The following WDR27 variants were observed in gnomAD, a reference collection of about 807,000 sequenced individuals.
WDR27 encodes the protein WD repeat domain 27, also known as WD repeat-containing protein 27.
WDR27 carries 100 observed loss-of-function variants against 114.4 expected under a neutral mutation model. That is an observed-to-expected ratio of 0.87 (90% CI 0.74 to 1.03). The LOEUF is 1.03. Among genes scored for constraint, WDR27 ranks in the 50% least tolerant of loss-of-function variants. The pLI, the probability that WDR27 is intolerant of heterozygous loss-of-function variation, is 0.00. For synonymous variants in WDR27, 449 were observed against 423.1 expected (o/e 1.06, Z -0.75); for missense variants, 1,129 against 1,092.9 (o/e 1.03, Z -0.47).
intron 2 of WDR27, among the ~76,000 whole-genome samples, chr6:169,682,715 TCAAA>T (rs1469623244): frequency 6.6e-6 from 1 of 152,046 alleles, no homozygotes; most frequent in Non-Finnish European, 1.5e-5. Context: ...TATGACCCCA[TCAAA>T]CAGACAAAAT....
intron 6 of WDR27, chr6:169,666,406 A>G: frequency 3.0e-6 from 3 of 985,472 alleles, no homozygotes; most frequent in Non-Finnish European, 3.6e-6. Context: ...TGGCATTTTC[A>G]TGTCACTTAC....
intron 2 of WDR27, 30 bp downstream of exon 2, chr6:169,688,787 A>T (rs1355592042): frequency 6.5e-7 from 1 of 1,545,920 alleles, no homozygotes; most frequent in Admixed American, 1.9e-5. Context: ...CAAGGCCTTC[A>T]TGACACTGGA....
At chr6:169,448,558 C>T in the WDR27 span, among the ~76,000 whole-genome samples, 7 of 152,164 alleles carry the variant, frequency 4.6e-5, no homozygotes, top group Admixed American at 2.0e-4. Context: ...TGTCGGAAGC[C>T]GGTGGCGGCT....
chr6:169,475,802 T>C (rs1305532836), intron 25 of WDR27, among the ~76,000 whole-genome samples: 1 of 152,200 alleles, frequency 6.6e-6, no homozygotes, highest in African/African-American at 2.4e-5. Flanking sequence ...CCATTTTTTT[T>C]ATTTCTGTGT....
At chr6:169,654,282 T>TG in intron 13 of WDR27, among the ~76,000 whole-genome samples, 1 of 152,306 alleles carries the variant, frequency 6.6e-6, no homozygotes, top group South Asian at 2.1e-4. Flanking sequence ...CATTCAGGTA[T>TG]AGAAACAGAG....
chr6:169,559,247 G>A (rs527926546), intron 25 of WDR27: 2 of 152,276 alleles, frequency 1.3e-5, no homozygotes, highest in East Asian at 1.9e-4. Flanking sequence ...AGTAGGTAGC[G>A]TGGCAATGGC....
intron 25 of WDR27, among the ~76,000 whole-genome samples, chr6:169,526,697 A>G (rs967917892): frequency 6.6e-6 from 1 of 152,204 alleles, no homozygotes; most frequent in Non-Finnish European, 1.5e-5. Context: ...AAAAGATACT[A>G]TAAGGAAAAT....
intron 25 of WDR27, among the ~76,000 whole-genome samples, chr6:169,479,062 G>A (rs1787582933): frequency 6.6e-6 from 1 of 152,108 alleles, no homozygotes; most frequent in Non-Finnish European, 1.5e-5. Context: ...TGACAAATGG[G>A]ACCTAATGAA....
downstream of WDR27, among the ~76,000 whole-genome samples, chr6:169,453,116 T>C (rs1048744268): frequency 3.3e-5 from 5 of 152,212 alleles, no homozygotes; most frequent in Non-Finnish European, 5.9e-5. Context: ...TAAGAAGATA[T>C]AGAACACAAG....
the WDR27 span, among the ~76,000 whole-genome samples, chr6:169,445,402 T>G: frequency 6.6e-6 from 1 of 151,856 alleles, no homozygotes; most frequent in African/African-American, 2.4e-5. Flanking sequence ...GGGTCTCCGG[T>G]GTAATTCCCA....
chr6:169,627,916 C>T (rs964955197), intron 21 of WDR27, among the ~76,000 whole-genome samples: 1 of 152,116 alleles, frequency 6.6e-6, no homozygotes, highest in Non-Finnish European at 1.5e-5. Flanking sequence ...CAGGGAAAGG[C>T]CACGGCGTTC....
At chr6:169,617,161 G>A (rs1812025657) in intron 21 of WDR27, among the ~76,000 whole-genome samples, 1 of 152,146 alleles carries the variant, frequency 6.6e-6, no homozygotes, top group South Asian at 2.1e-4. Context: ...AAGTTTAGGA[G>A]CGAAGATTTC....
downstream of WDR27, among the ~76,000 whole-genome samples, chr6:169,452,878 G>A (rs998581655): frequency 2.1e-4 from 32 of 152,104 alleles, no homozygotes; most frequent in African/African-American, 6.5e-4. Flanking sequence ...TTTGTTATCC[G>A]GAGGGTAGCC....
intron 7 of WDR27, chr6:169,664,641 G>A (rs1268250983): frequency 1.3e-5 from 14 of 1,079,364 alleles, no homozygotes; most frequent in African/African-American, 1.7e-5. Flanking sequence ...CCCTGGGTGA[G>A]AAGACAAGGC....
At position 169,506,002 on chromosome 6, in the gene WDR27, AC is replaced by A. The variant is rs1791958520; in HGVS notation, c.2646-48369del. 7.2e-5 allele frequency among the ~76,000 whole-genome samples: 11 copies of A among 152,244 alleles called. 1 individual carries two copies. In the South Asian group the frequency reaches 2.3e-3, roughly 32 times the overall value. On this transcript the variant is annotated intron_variant, in intron 25 of 25. Transcript: ENST00000448612. ...CACATATACCACCTAAACCCCCTAA[AC>A]TTTTAAACTCATAAACAAAGCTCCC...
chr6:169,564,699 C>G (rs1049216119), intron 25 of WDR27, among the ~76,000 whole-genome samples: 9 of 92,794 alleles, frequency 9.7e-5, no homozygotes, highest in Non-Finnish European at 1.5e-4. Flanking sequence ...CTCACACTGG[C>G]TCCCACGAGA....
Position 169,659,061 on chromosome 6 carries a change from C to T in WDR27, c.1319+25G>A. 1 of 1,519,968 alleles carries T rather than the reference C, an allele frequency of 6.6e-7. No individual in the cohort carries two copies. The highest frequency in any genetic ancestry group is 2.3e-5 in the East Asian group (1 of 43,490). 94.2% of individuals were successfully genotyped at this position (1,519,968 alleles called of 1,614,324 possible). On this transcript the variant is annotated intron_variant, in intron 12 of 25. Coordinates refer to ENST00000448612, the MANE Select transcript of WDR27 (RefSeq NM_182552.5). The surrounding 1 kb of genome is among the most constrained non-coding windows in gnomAD (Gnocchi z 4.3). ...GCACTTATTGGTGAACACACACACACACTCCACACTTGAAGACACTCTACC... is the reference window on the plus strand; with the variant it reads ...GCACTTATTGGTGAACACACACACATACTCCACACTTGAAGACACTCTACC...
chr6:169,536,416 T>A (rs1241304685), intron 25 of WDR27, among the ~76,000 whole-genome samples: 1 of 152,204 alleles, frequency 6.6e-6, no homozygotes, highest in African/African-American at 2.4e-5. Context: ...CCATTATTTT[T>A]ATGAACCTCA....
chr6:169,640,903 G>A (rs1339593309), intron 17 of WDR27, among the ~76,000 whole-genome samples: 1 of 152,228 alleles, frequency 6.6e-6, no homozygotes, highest in Non-Finnish European at 1.5e-5. Flanking sequence ...TAGTGAGACT[G>A]AGGATGTGTT....
Sources: allele counts gnomAD v4.1 joint callset (sites outside exome capture counted in the v4.1 genomes callset), GRCh38; gene constraint gnomAD v4.1.1; non-coding constraint Gnocchi (gnomAD v3.1); transcripts MANE v1.5; gene names NCBI Gene and HGNC (gene_info 2026-07-23, HGNC 2026-07-21).